Variants in PDE10A observed in about 807,000 individuals in gnomAD.
The protein encoded by PDE10A is phosphodiesterase 10A.
A neutral mutation model predicts 97.7 loss-of-function variants in PDE10A; 39 were observed. The ratio of observed to expected loss-of-function variants is 0.40; its 90% CI spans 0.31 to 0.52. The LOEUF is 0.52. PDE10A is among the 20% of genes least tolerant of loss of function. The pLI is 0.56. For missense variants in PDE10A, 731 were observed against 1,047.8 expected, an observed-to-expected ratio of 0.70 and a Z score of 4.17; for synonymous variants, 371 against 376.8, an observed-to-expected ratio of 0.98 and a Z score of 0.18.
chr6:165,850,503 T>C (rs1183402601), intron 1 of PDE10A, among the ~76,000 whole-genome samples: 4 of 152,204 alleles, frequency 2.6e-5, no homozygotes, highest in African/African-American at 9.7e-5. Context: ...TAAAACCATA[T>C]AAAGGTAAAC....
intron 1 of PDE10A, among the ~76,000 whole-genome samples, chr6:165,658,586 A>T (rs1255972398): frequency 6.6e-6 from 1 of 152,206 alleles, no homozygotes; most frequent in Non-Finnish European, 1.5e-5. Context: ...CAGCCGTGTT[A>T]CATCAGGGCA....
intron 1 of PDE10A, among the ~76,000 whole-genome samples, chr6:165,784,079 G>A (rs1181383592): frequency 2.6e-5 from 4 of 151,936 alleles, no homozygotes; most frequent in Admixed American, 6.6e-5. Context: ...TTAGCTGGGC[G>A]TTGTTGCATG....
intron 2 of PDE10A, among the ~76,000 whole-genome samples, chr6:165,517,353 C>T (rs1436508097): frequency 2.0e-5 from 3 of 152,130 alleles, no homozygotes; most frequent in African/African-American, 7.2e-5. Flanking sequence ...ATTCAAATTT[C>T]ATCAGAGACA....
chr6:165,344,220 T>TA (rs1405304165), intron 18 of PDE10A, among the ~76,000 whole-genome samples: 1 of 151,948 alleles, frequency 6.6e-6, no homozygotes, highest in East Asian at 1.9e-4. Flanking sequence ...AATAATAACT[T>TA]AAAAAAAATC....
chr6:165,974,110 G>A (rs565101232), intron 1 of PDE10A, among the ~76,000 whole-genome samples: 15 of 152,314 alleles, frequency 9.8e-5, no homozygotes, highest in African/African-American at 3.6e-4. Context: ...CTAGTAGCTA[G>A]AGGAGAGCTT....
chr6:165,925,238 C>T (rs1782898632), intron 1 of PDE10A, among the ~76,000 whole-genome samples: 1 of 152,152 alleles, frequency 6.6e-6, no homozygotes, highest in African/African-American at 2.4e-5. Context: ...AAAACACTAG[C>T]AATAACACCA....
chr6:165,806,588 C>T (rs1022063998), intron 1 of PDE10A, among the ~76,000 whole-genome samples: 10 of 152,114 alleles, frequency 6.6e-5, no homozygotes, highest in Admixed American at 1.3e-4. Context: ...TTCCTGTGCA[C>T]GGACTCTCCT....
chr6:165,512,675 C>T (rs910807153), intron 2 of PDE10A, among the ~76,000 whole-genome samples: 1 of 152,014 alleles, frequency 6.6e-6, no homozygotes, highest in Non-Finnish European at 1.5e-5. Flanking sequence ...TTGATGCAGG[C>T]ATGTATTCCT....
chr6:165,662,527 C>G lies in PDE10A; in HGVS notation c.285G>C (p.Ala95=), dbSNP rs1423843663. ...AGGCGAGCGCCAAGGGAGCGCGGGCCGCGACCCAGCCGCAGCCGCCGCCGC... is the reference window on the plus strand; with the variant it reads ...AGGCGAGCGCCAAGGGAGCGCGGGCGGCGACCCAGCCGCAGCCGCCGCCGC... The part of the protein sequence containing the change: ...SARGGGCGWV[A]ARAPLALAFS... Residue 95 remains alanine (A), a synonymous_variant, in exon 1 of 22, where the codon GCG becomes GCC. Transcript: ENST00000539869. 6.8e-6 allele frequency: 1 copy of G among 147,694 alleles called. No homozygotes were observed. The highest frequency in any genetic ancestry group is 6.7e-5 in the Admixed American group (1 of 14,954). 9.1% of individuals were successfully genotyped at this position (147,694 alleles called of 1,614,324 possible). A position where few individuals can be genotyped will look rare whatever the true frequency, so the allele number is the denominator to read the frequency against.
intron 2 of PDE10A, among the ~76,000 whole-genome samples, chr6:165,497,207 T>C (rs1445492832): frequency 1.3e-5 from 2 of 152,192 alleles, no homozygotes; most frequent in Admixed American, 6.5e-5. Flanking sequence ...TGTAATCACA[T>C]TTTCTGACAA....
chr6:165,525,250 A>G (rs1208464901), intron 2 of PDE10A, among the ~76,000 whole-genome samples: 1 of 152,132 alleles, frequency 6.6e-6, no homozygotes, highest in Non-Finnish European at 1.5e-5. Context: ...AATGGATATT[A>G]AGGGTATGGG....
At chr6:165,591,005 G>T (rs1583601814) in intron 1 of PDE10A, among the ~76,000 whole-genome samples, 1 of 152,266 alleles carries the variant, frequency 6.6e-6, no homozygotes, top group Admixed American at 6.5e-5. Context: ...AAATAAATGA[G>T]AAAATGAGAC....
chr6:165,358,586 A>G (rs1171065468), intron 18 of PDE10A, among the ~76,000 whole-genome samples: 2 of 151,736 alleles, frequency 1.3e-5, no homozygotes, highest in African/African-American at 4.8e-5. Context: ...CTTAAAGTGC[A>G]TACGTCATAG....
At chr6:165,963,722 C>G (rs1469248129) in intron 1 of PDE10A, among the ~76,000 whole-genome samples, 1 of 152,274 alleles carries the variant, frequency 6.6e-6, no homozygotes, top group South Asian at 2.1e-4. Context: ...TCCTTCCTCT[C>G]TTGACCCCAC....
chr6:165,818,506 C>T (rs1333913291), intron 1 of PDE10A, among the ~76,000 whole-genome samples: 2 of 152,146 alleles, frequency 1.3e-5, no homozygotes, highest in East Asian at 1.9e-4. Context: ...AAGCAAAATG[C>T]AAGCTGGTTT....
At chr6:165,477,463 T>G (rs1297020648) in intron 3 of PDE10A, among the ~76,000 whole-genome samples, 1 of 152,250 alleles carries the variant, frequency 6.6e-6, no homozygotes, top group Non-Finnish European at 1.5e-5. Flanking sequence ...CAGGGATTTC[T>G]GTCTAGTTTG....
At chr6:165,356,462 T>C (rs1783034991) in intron 18 of PDE10A, among the ~76,000 whole-genome samples, 1 of 152,182 alleles carries the variant, frequency 6.6e-6, no homozygotes, top group Non-Finnish European at 1.5e-5. Flanking sequence ...CAAACATAAA[T>C]ACTGAGAATA....
At chr6:165,340,156 T>C (rs1213924750) in intron 19 of PDE10A, among the ~76,000 whole-genome samples, 2 of 152,240 alleles carry the variant, frequency 1.3e-5, no homozygotes, top group Non-Finnish European at 2.9e-5. Context: ...TTATGAAATA[T>C]TCTAGGATAT....
At chr6:165,532,114 A>G (rs1201630016) in intron 2 of PDE10A, among the ~76,000 whole-genome samples, 1 of 151,782 alleles carries the variant, frequency 6.6e-6, no homozygotes, top group Non-Finnish European at 1.5e-5. Context: ...CTTTACACTA[A>G]CCTCTGCTTT....
Sources: allele counts gnomAD v4.1 joint callset (sites outside exome capture counted in the v4.1 genomes callset), GRCh38; gene constraint gnomAD v4.1.1; transcripts MANE v1.5; gene names NCBI Gene and HGNC (gene_info 2026-07-23, HGNC 2026-07-21).